ANKHD1: variants seen among roughly 807,000 people sequenced by gnomAD.
ANKHD1 encodes ankyrin repeat and KH domain-containing protein 1.
Under a neutral mutation model 230.5 loss-of-function variants are expected in ANKHD1, and 31 were observed. The observed-to-expected ratio is 0.13, with a 90% confidence interval of 0.10 to 0.18. The LOEUF (loss-of-function observed/expected upper bound fraction) is 0.18. Among genes scored for constraint, ANKHD1 ranks in the 10% least tolerant of loss-of-function variants. ANKHD1 has a pLI of 1.00. For synonymous variants in ANKHD1, 1,074 were observed against 1,117.6 expected (o/e 0.96, Z 0.78); for missense variants, 2,256 against 3,071.3 (o/e 0.73, Z 6.27).
intron 22 of ANKHD1, among the ~76,000 whole-genome samples, chr5:140,511,949 A>G (rs918616878): frequency 1.3e-5 from 2 of 152,184 alleles, no homozygotes; most frequent in African/African-American, 2.4e-5. Context: ...TAAAATAGAT[A>G]TGCTGGCCGG....
chr5:140,491,139 C>CACACACAT (rs1460352213), intron 14 of ANKHD1, among the ~76,000 whole-genome samples: 9 of 56,350 alleles, frequency 1.6e-4, no homozygotes, highest in African/African-American at 5.0e-4. Context: ...TATATATACA[C>CACACACAT]ATATATATAT....
rs1753667449 is a variant in ANKHD1 at position 140,527,759 on chromosome 5, T to C, written c.5088-114T>C. ...TAAAAACTTTTAATAATTTCCTCTTTAGCATTTAAGAAATGTTATTCTCCA... is the reference window on the plus strand; with the variant it reads ...TAAAAACTTTTAATAATTTCCTCTTCAGCATTTAAGAAATGTTATTCTCCA... On this transcript the variant is annotated intron_variant, in intron 27 of 33. Coordinates refer to ENST00000360839, the MANE Select transcript of ANKHD1 (RefSeq NM_017747.3). This position sits in a 1 kb window ranked among gnomAD's most constrained non-coding sequence, Gnocchi z 4.5. 4 of 1,246,238 alleles carry C rather than the reference T, an allele frequency of 3.2e-6. No homozygotes were observed. In the South Asian group the frequency reaches 7.7e-5, roughly 24 times the overall value. The allele number at this position is 1,246,238 out of a possible 1,614,324, so 77.2% of individuals were successfully genotyped here.
Position 140,402,017 on chromosome 5 carries a change from A to G in ANKHD1, c.50A>G (p.Asp17Gly). Reference protein sequence around the residue: ...GGGTSFEEDLDSVAPRSAPAG... With the variant: ...GGGTSFEEDLGSVAPRSAPAG... ...GGCACCTCCTTTGAGGAGGACCTGGACTCTGTGGCTCCGCGATCCGCCCCA... is the reference window on the plus strand; with the variant it reads ...GGCACCTCCTTTGAGGAGGACCTGGGCTCTGTGGCTCCGCGATCCGCCCCA... The change falls in exon 1 of 34, where the codon GAC (aspartate) becomes GGC (glycine). Residue 17 changes from aspartate (D) to glycine (G), a missense_variant. By Grantham distance (94) the Asp-to-Gly change is moderately conservative (BLOSUM62 -1). Coordinates refer to ENST00000360839, the MANE Select transcript of ANKHD1 (RefSeq NM_017747.3). 1 of 1,518,260 alleles carries G rather than the reference A, an allele frequency of 6.6e-7. No individual in the cohort carries two copies. The highest frequency in any genetic ancestry group is 8.8e-7 in the Non-Finnish European group (1 of 1,140,364). 94.0% of individuals were successfully genotyped at this position (1,518,260 alleles called of 1,614,324 possible). A position where few individuals can be genotyped will look rare whatever the true frequency, so the allele number is the denominator to read the frequency against.
intron 6 of ANKHD1, among the ~76,000 whole-genome samples, chr5:140,447,053 G>T (rs907545769): frequency 1.3e-5 from 2 of 151,976 alleles, no homozygotes; most frequent in South Asian, 2.1e-4. Context: ...GGTATTACAG[G>T]TGCATGCCAC....
intron 10 of ANKHD1, chr5:140,472,184 A>G (rs1776538861): frequency 7.8e-6 from 12 of 1,537,030 alleles, no homozygotes; most frequent in Non-Finnish European, 9.9e-6. Flanking sequence ...TCATGGCCAA[A>G]TGTGATTTTC....
intron 4 of ANKHD1, 34 bp downstream of exon 4, chr5:140,440,300 T>C (rs377352535): frequency 4.3e-4 from 684 of 1,589,818 alleles, no homozygotes; most frequent in Non-Finnish European, 5.6e-4. Context: ...ATTAAAATTG[T>C]GGAAGGGTTT....
At chr5:140,513,665 C>T (rs750978241) in intron 24 of ANKHD1, among the ~76,000 whole-genome samples, 186 bp downstream of exon 24, 1 of 152,076 alleles carries the variant, frequency 6.6e-6, no homozygotes, top group Admixed American at 6.6e-5. Context: ...AAAAATTAGC[C>T]AGGTGTGGTG....
chr5:140,469,857 T>C (rs1407891438), intron 10 of ANKHD1, among the ~76,000 whole-genome samples: 1 of 151,536 alleles, frequency 6.6e-6, no homozygotes, highest in East Asian at 1.9e-4. Flanking sequence ...GTGGATTCAG[T>C]TTTTACATTA....
chr5:140,441,389 TAAAAA>T (rs1417258603), intron 5 of ANKHD1, among the ~76,000 whole-genome samples: 1 of 152,178 alleles, frequency 6.6e-6, no homozygotes, highest in Non-Finnish European at 1.5e-5. Context: ...TATTCAGACT[TAAAAA>T]AGGAGGAGAT....
In ANKHD1 at chr5:140,528,557, C is replaced by T. The variant is rs781653504; in HGVS notation, c.5611C>T (p.Arg1871Cys). 5 of 1,614,230 alleles carry T rather than the reference C, an allele frequency of 3.1e-6. No individual in the cohort carries two copies. The highest frequency in any genetic ancestry group is 1.6e-4 in the Middle Eastern group (1 of 6,062). ...AACTATGCAACAGATTCGGCATCCT[C>T]GCTTACCCATGGCCCAGTTTGGAGG... ...AQTMQQIRHP[R>C]LPMAQFGGTF... The change falls in exon 29 of 34, where the codon CGC (arginine) becomes TGC (cysteine). Residue 1871 changes from arginine (R) to cysteine (C), a missense_variant. By Grantham distance (180) the Arg-to-Cys change is radical (BLOSUM62 -3). This residue lies in a region of ANKHD1 where 778 missense variants were observed against 966.5 expected (regional missense o/e 0.80). Coordinates refer to ENST00000360839, the MANE Select transcript of ANKHD1 (RefSeq NM_017747.3).
rs569484845 is a variant in ANKHD1 at position 140,534,122 on chromosome 5, G to A, written c.6851-1240G>A. Among the ~76,000 whole-genome samples, 12 of 152,264 alleles carry A rather than the reference G, an allele frequency of 7.9e-5. No individual in the cohort carries two copies. The South Asian group carries it at 8.3e-4, about 11-fold the overall frequency. The stretch of plus-strand genomic sequence containing the variant: ...AAATGGAAATATGAGGCTGGGTGCC[G>A]TGGCTCACACCTGTAACCCCAGCAC... On this transcript the variant is annotated intron_variant, in intron 29 of 33. Coordinates refer to ENST00000360839, the MANE Select transcript of ANKHD1 (RefSeq NM_017747.3).
At chr5:140,533,734 C>G (rs141702642) in intron 29 of ANKHD1, among the ~76,000 whole-genome samples, 18 of 141,992 alleles carry the variant, frequency 1.3e-4, no homozygotes, top group Middle Eastern at 3.8e-3. Context: ...GATCACACCA[C>G]TGCTGCACTC....
At chr5:140,454,563 C>G (rs1464060680) in intron 7 of ANKHD1, among the ~76,000 whole-genome samples, 2 of 152,190 alleles carry the variant, frequency 1.3e-5, no homozygotes, top group African/African-American at 2.4e-5. Context: ...GAAACTCACT[C>G]AAAACCGCTC....
intron 7 of ANKHD1, among the ~76,000 whole-genome samples, chr5:140,454,771 A>G (rs1775031135): frequency 6.6e-6 from 1 of 152,238 alleles, no homozygotes; most frequent in Admixed American, 6.5e-5. Flanking sequence ...GAAAGATCTA[A>G]AATTGACACC....
At chr5:140,430,095 C>T (rs1772916657) in intron 1 of ANKHD1, among the ~76,000 whole-genome samples, 1 of 152,172 alleles carries the variant, frequency 6.6e-6, no homozygotes, top group African/African-American at 2.4e-5. Context: ...AGCTAAAAAC[C>T]ACACTCCCAT....
intron 29 of ANKHD1, among the ~76,000 whole-genome samples, chr5:140,531,839 G>A (rs893420618): frequency 2.6e-5 from 4 of 152,200 alleles, no homozygotes; most frequent in South Asian, 2.1e-4. Flanking sequence ...AGAAACAACC[G>A]AACGTTCATT....
chr5:140,456,971 G>T (rs1282966248), intron 7 of ANKHD1, among the ~76,000 whole-genome samples: 3 of 151,862 alleles, frequency 2.0e-5, no homozygotes, highest in Non-Finnish European at 4.4e-5. Flanking sequence ...GACAAAGGGC[G>T]AATATCCAGA....
intron 7 of ANKHD1, among the ~76,000 whole-genome samples, chr5:140,450,905 C>G (rs921939144): frequency 6.6e-6 from 1 of 152,010 alleles, no homozygotes; most frequent in East Asian, 1.9e-4. Flanking sequence ...GTAATCCTAG[C>G]ACTTTGAGAG....
rs1310543705 is a variant in ANKHD1 at position 140,506,404 on chromosome 5, T to C, written c.3409-431T>C. 1.3e-5 allele frequency among the ~76,000 whole-genome samples: 2 copies of C among 152,162 alleles called. No individual in the cohort carries two copies. Among genetic ancestry groups the C allele is most frequent in the Non-Finnish European group, 2.9e-5 (2 of 68,024 alleles). On this transcript the variant is annotated intron_variant, in intron 18 of 33. Coordinates refer to ENST00000360839, the MANE Select transcript of ANKHD1 (RefSeq NM_017747.3). This position sits in a 1 kb window ranked among gnomAD's most constrained non-coding sequence, Gnocchi z 4.7. Reference sequence around the variant, plus strand: ...TTGAACTCCTGGCCTCAAGGGATCCTCCTGCCTTGGCCTCCCAAAGTGCTG... The same window carrying C: ...TTGAACTCCTGGCCTCAAGGGATCCCCCTGCCTTGGCCTCCCAAAGTGCTG...
Sources: gnomAD v4.1 joint callset for allele counts (sites outside exome capture counted in the v4.1 genomes callset) on GRCh38, gnomAD v4.1.1 for gene constraint, gnomAD v4.1.1 regional missense constraint, Gnocchi (gnomAD v3.1) non-coding constraint, MANE v1.5 for transcripts, NCBI Gene and HGNC (gene_info 2026-07-23, HGNC 2026-07-21) for gene names.